Variants in DNAAF9 observed in about 807,000 individuals in gnomAD.
The protein encoded by DNAAF9 is shulin.
A neutral mutation model predicts 167.0 loss-of-function variants in DNAAF9; 90 were observed. That is an observed-to-expected ratio of 0.54 (90% confidence interval 0.45 to 0.64). DNAAF9 has a LOEUF of 0.64. Among genes scored for constraint, DNAAF9 ranks in the 30% least tolerant of loss-of-function variants. The probability of loss-of-function intolerance (pLI) is 0.00; values close to 1 mark genes in which losing one functional copy is unlikely to be tolerated. For missense variants in DNAAF9, 1,315 were observed against 1,442.2 expected (o/e 0.91, Z 1.43); for synonymous variants, 491 against 508.8 (o/e 0.96, Z 0.47).
intron 16 of DNAAF9, among the ~76,000 whole-genome samples, 178 bp from the exon 17 acceptor site, chr20:3,318,578 C>T (rs1032481024): frequency 2.0e-5 from 3 of 152,162 alleles, no homozygotes; most frequent in African/African-American, 7.2e-5. Context: ...ACTTTAGGAT[C>T]ACCCAGGCTT....
chr20:3,287,201 G>C (rs1464282504), intron 27 of DNAAF9, among the ~76,000 whole-genome samples: 1 of 152,214 alleles, frequency 6.6e-6, no homozygotes, highest in African/African-American at 2.4e-5. Context: ...GAAGGTCCCA[G>C]GAAACTCTCC....
At chr20:3,351,460 G>A (rs1214148004) in intron 7 of DNAAF9, among the ~76,000 whole-genome samples, 1 of 150,240 alleles carries the variant, frequency 6.7e-6, no homozygotes, top group Non-Finnish European at 1.5e-5. Context: ...CTCCAGCCTG[G>A]ACAACAAGAG....
At chr20:3,283,911 T>C (rs1279465123) in intron 27 of DNAAF9, among the ~76,000 whole-genome samples, 1 of 151,968 alleles carries the variant, frequency 6.6e-6, no homozygotes, top group African/African-American at 2.4e-5. Flanking sequence ...AATTTCTAGG[T>C]TTTCAGAGCA....
intron 17 of DNAAF9, among the ~76,000 whole-genome samples, chr20:3,318,023 G>A (rs1345641311): frequency 6.6e-6 from 1 of 151,086 alleles, no homozygotes; most frequent in Non-Finnish European, 1.5e-5. Flanking sequence ...TTACTATTGG[G>A]TAGCTTATCT....
At chr20:3,342,778 G>A (rs752925773) in intron 9 of DNAAF9, among the ~76,000 whole-genome samples, 1 of 152,170 alleles carries the variant, frequency 6.6e-6, no homozygotes, top group African/African-American at 2.4e-5. Context: ...GAAGAAAAGA[G>A]AGAAGAAATG....
intron 8 of DNAAF9, among the ~76,000 whole-genome samples, chr20:3,345,420 A>G (rs1242192208): frequency 3.9e-5 from 6 of 152,186 alleles, no homozygotes; most frequent in African/African-American, 7.2e-5. Context: ...GCTTCATTCT[A>G]TCATTTCCTC....
intron 30 of DNAAF9, among the ~76,000 whole-genome samples, chr20:3,268,786 G>A (rs1190225373): frequency 1.3e-5 from 2 of 151,702 alleles, no homozygotes; most frequent in African/African-American, 4.8e-5. Flanking sequence ...TATATAACCA[G>A]GTGTTTTCTC....
At chr20:3,278,609 C>T (rs1392942178) in intron 29 of DNAAF9, among the ~76,000 whole-genome samples, 5 of 152,070 alleles carry the variant, frequency 3.3e-5, no homozygotes, top group Non-Finnish European at 7.4e-5. Flanking sequence ...ATCCCAGCTA[C>T]TTGGGAGGCT....
Position 3,285,642 on chromosome 20 carries a change from G to A in DNAAF9, c.2486+1990C>T, listed in dbSNP as rs1319998036. Among the ~76,000 whole-genome samples, 28 of 148,346 alleles carry A rather than the reference G, an allele frequency of 1.9e-4. No individual in the cohort carries two copies. The Admixed American group carries it at 1.9e-3, about 10-fold the overall frequency. On this transcript the variant is annotated intron_variant, in intron 27 of 36. Coordinates refer to ENST00000252032, the MANE Select transcript of DNAAF9 (RefSeq NM_001009984.3). ...TGCAGTGAGCCGAGATTGCACCATT[G>A]CACTCCAGCCTGGACGACAGAGTGA...
chr20:3,260,202 G>A (rs1304384456), intron 31 of DNAAF9, among the ~76,000 whole-genome samples, 174 bp from the exon 32 acceptor site: 2 of 151,902 alleles, frequency 1.3e-5, no homozygotes, highest in African/African-American at 4.8e-5. Flanking sequence ...AGCCGGGCGC[G>A]GTGGCGGGCG....
Position 3,295,623 on chromosome 20 carries a change from A to G in DNAAF9, c.2019-994T>C, listed in dbSNP as rs183636148. On this transcript the variant is annotated intron_variant, in intron 23 of 36. Transcript: ENST00000252032. ...GGGGCAATCCAGGGGACTGAGAGGG[A>G]GCGTGAGGATGGGAGGTGGGGCTAC... is the stretch of plus-strand genomic sequence containing the variant. 483 of 444,016 alleles carry G rather than the reference A, an allele frequency of 1.1e-3. 1 individual carries two copies. The highest frequency in any genetic ancestry group is 8.4e-3 in the African/African-American group (419 of 50,134). The allele number at this position is 444,016 out of a possible 1,614,324, so 27.5% of individuals were successfully genotyped here. A position where few individuals can be genotyped will look rare whatever the true frequency, so the allele number is the denominator to read the frequency against.
rs1327269088 is a variant in DNAAF9, at chr20:3,316,777, T to C, written c.1485A>G (p.Thr495=). ...LVKEKDGTVT[T]ETSSVVLTAA... The stretch of plus-strand genomic sequence containing the variant: ...CAGTCAGGACTACGGAGCTGGTTTC[T>C]GTGGTAACAGTGCCATCTGCAGGAA... Residue 495 remains threonine, a synonymous_variant, in exon 18 of 37, where the codon ACA becomes ACG. Coordinates refer to ENST00000252032, the MANE Select transcript of DNAAF9 (RefSeq NM_001009984.3). 2 of 1,613,620 alleles carry C rather than the reference T, an allele frequency of 1.2e-6. No homozygotes were observed. Among genetic ancestry groups the C allele is most frequent in the East Asian group, 2.2e-5 (1 of 44,854 alleles).
chr20:3,342,885 G>C (rs1290503238), intron 9 of DNAAF9, among the ~76,000 whole-genome samples: 1 of 152,098 alleles, frequency 6.6e-6, no homozygotes, highest in East Asian at 1.9e-4. Context: ...CATCTTCGTG[G>C]GGCTGGACCT....
rs1431096943 is a variant in DNAAF9, at chr20:3,324,912, A to T, written c.1245T>A (p.Ile415=). 6.2e-7 allele frequency: 1 copy of T among 1,604,710 alleles called. No homozygotes were observed. Among genetic ancestry groups the T allele is most frequent in the South Asian group, 1.1e-5 (1 of 90,844 alleles). ...LGSGLDSFEL[I]PFKAALRSKM... ...CTTACCGCAGGGCTGCCTTAAACGG[A>T]ATCAACTCAAAGGAATCTAACCCAG... Residue 415 remains isoleucine (I), a synonymous_variant, in exon 14 of 37, where the codon ATT becomes ATA. Transcript: ENST00000252032.
At chr20:3,407,312 C>T (rs2084075790) in intron 1 of DNAAF9, among the ~76,000 whole-genome samples, 163 bp downstream of exon 1, 1 of 152,128 alleles carries the variant, frequency 6.6e-6, no homozygotes, top group Non-Finnish European at 1.5e-5. Context: ...GGGGCCTCTA[C>T]AGAGGGCGCC....
intron 6 of DNAAF9, among the ~76,000 whole-genome samples, chr20:3,370,998 T>A (rs1472614687): frequency 6.6e-6 from 1 of 152,174 alleles, no homozygotes; most frequent in Non-Finnish European, 1.5e-5. Flanking sequence ...TTTAATTCTT[T>A]CCTTTCAATA....
chr20:3,394,942 CTTTTTTCTTTTTTTTTTTTTTTTT>C (rs1243570014), intron 1 of DNAAF9, among the ~76,000 whole-genome samples: 5 of 89,020 alleles, frequency 5.6e-5, no homozygotes, highest in African/African-American at 1.2e-4. Context: ...TGAACATTTT[CTTTTTTCTTTTTTTTTTTTTTTTT>C]TTTTTTTTTT....
In DNAAF9 at chr20:3,252,553, G is replaced by C; in HGVS notation, c.*19C>G. 7.5e-7 allele frequency: 1 copy of C among 1,330,668 alleles called. No individual in the cohort carries two copies. Among genetic ancestry groups the C allele is most frequent in the South Asian group, 1.2e-5 (1 of 85,554 alleles). The allele number at this position is 1,330,668 out of a possible 1,614,324, so 82.4% of individuals were successfully genotyped here. On this transcript the variant is annotated 3_prime_UTR_variant, in exon 37 of 37. Transcript: ENST00000252032. ...CTCCAAGGTGGACATTCTGCAGGAC[G>C]TACGGGCCCAGCCTTCCTCTAGGGC...
chr20:3,379,430 C>A (rs956509411), intron 3 of DNAAF9, among the ~76,000 whole-genome samples: 2 of 151,892 alleles, frequency 1.3e-5, no homozygotes, highest in African/African-American at 2.4e-5. Flanking sequence ...CCCTTTCCTA[C>A]TAAAAATACA....
Sources: allele counts gnomAD v4.1 joint callset (sites outside exome capture counted in the v4.1 genomes callset), GRCh38; gene constraint gnomAD v4.1.1; transcripts MANE v1.5; gene names NCBI Gene and HGNC (gene_info 2026-07-23, HGNC 2026-07-21).